The following ARSJ variants were observed in gnomAD, a reference collection of about 807,000 sequenced individuals.
ARSJ encodes the protein arylsulfatase family member J.
A neutral mutation model predicts 35.9 loss-of-function variants in ARSJ; 26 were observed. That is an observed-to-expected ratio of 0.72 (90% confidence interval 0.53 to 1.00). ARSJ has a LOEUF of 1.00. Ranked by LOEUF, ARSJ falls within the 50% of genes least tolerant of loss-of-function variation. The probability of loss-of-function intolerance (pLI) is 0.00; values close to 1 mark genes in which losing one functional copy is unlikely to be tolerated. For synonymous variants in ARSJ, 294 were observed against 267.6 expected (o/e 1.10, Z -0.96); for missense variants, 667 against 723.6 (o/e 0.92, Z 0.90).
At chr4:113,948,850 T>C (rs1225522564) in intron 1 of ARSJ, among the ~76,000 whole-genome samples, 1 of 152,146 alleles carries the variant, frequency 6.6e-6, no homozygotes, top group East Asian at 1.9e-4. Flanking sequence ...TATCTCTTCA[T>C]TGCAACAGAT....
rs1289766844 is a variant in ARSJ, at chr4:113,902,658, G to GA, written c.1415dup (p.Ser473GlnfsTer11). The GA allele has an allele frequency of 4.3e-6, 7 of 1,614,070 alleles. No homozygotes were observed. The highest frequency in any genetic ancestry group is 5.9e-6 in the Non-Finnish European group (7 of 1,180,040). ...GCCACCGGTTCGGTCCCAGGTTGCT[G>GA]AAAGACTGAGGGGGGACCCAGTCGC... On this transcript the variant is annotated frameshift_variant, in exon 2 of 2. Transcript: ENST00000315366. LOFTEE classifies it high-confidence loss of function.
At chr4:113,939,849 A>C (rs1335200288) in intron 1 of ARSJ, among the ~76,000 whole-genome samples, 1 of 151,874 alleles carries the variant, frequency 6.6e-6, no homozygotes, top group East Asian at 1.9e-4. Context: ...AGGTTGCGAA[A>C]ATTTTCTCCC....
chr4:113,964,776 T>C (rs1352892965), intron 1 of ARSJ, among the ~76,000 whole-genome samples: 1 of 152,088 alleles, frequency 6.6e-6, no homozygotes, highest in Non-Finnish European at 1.5e-5. Flanking sequence ...GAGAGCTTAT[T>C]GGAAACGCAG....
At chr4:113,911,386 C>A (rs76312224) in intron 1 of ARSJ, among the ~76,000 whole-genome samples, 8,647 of 152,158 alleles carry the variant, frequency 0.057, 328 homozygotes, top group East Asian at 0.11. Flanking sequence ...ACAATCGAAG[C>A]TTTGCGTTGG....
At chr4:113,919,889 C>T (rs958552628) in intron 1 of ARSJ, among the ~76,000 whole-genome samples, 3 of 151,790 alleles carry the variant, frequency 2.0e-5, no homozygotes, top group African/African-American at 7.3e-5. Flanking sequence ...GGTGTTGAAG[C>T]AGTTTTGTAC....
At chr4:113,936,780 T>G (rs926554255) in intron 1 of ARSJ, among the ~76,000 whole-genome samples, 1 of 151,852 alleles carries the variant, frequency 6.6e-6, no homozygotes, top group African/African-American at 2.4e-5. Flanking sequence ...ACTATTTTTA[T>G]TTTGGAACTC....
intron 1 of ARSJ, among the ~76,000 whole-genome samples, chr4:113,940,401 A>G (rs1725074343): frequency 6.6e-6 from 1 of 152,168 alleles, no homozygotes; most frequent in African/African-American, 2.4e-5. Flanking sequence ...AGAAAACCAA[A>G]CAGTGCATGT....
chr4:113,932,925 A>T (rs1389071163), intron 1 of ARSJ, among the ~76,000 whole-genome samples: 1 of 151,982 alleles, frequency 6.6e-6, no homozygotes, highest in African/African-American at 2.4e-5. Context: ...AAAAGTTGGT[A>T]TTTTGAAGAG....
At chr4:113,949,327 AAAGTAT>A (rs1479983513) in intron 1 of ARSJ, among the ~76,000 whole-genome samples, 1 of 152,238 alleles carries the variant, frequency 6.6e-6, no homozygotes, top group East Asian at 1.9e-4. Context: ...CCCAGAACTT[AAAGTAT>A]AATAATAATA....
At chr4:113,921,415 T>C (rs1399108076) in intron 1 of ARSJ, among the ~76,000 whole-genome samples, 1 of 152,158 alleles carries the variant, frequency 6.6e-6, no homozygotes, top group South Asian at 2.1e-4. Context: ...CTTTTTCTTA[T>C]TATCTTGGAT....
intron 1 of ARSJ, among the ~76,000 whole-genome samples, chr4:113,964,299 G>A (rs1726752561): frequency 1.3e-5 from 2 of 151,994 alleles, no homozygotes; most frequent in Non-Finnish European, 2.9e-5. Flanking sequence ...TTTTCTTCAA[G>A]TTCACACTGT....
chr4:113,974,523 T>C (rs886614800), intron 1 of ARSJ, among the ~76,000 whole-genome samples: 2 of 152,234 alleles, frequency 1.3e-5, no homozygotes, highest in African/African-American at 4.8e-5. Context: ...CTTGAATAAA[T>C]ACTTCTTTAA....
At chr4:113,973,576 C>T (rs2110338571) in intron 1 of ARSJ, among the ~76,000 whole-genome samples, 1 of 152,306 alleles carries the variant, frequency 6.6e-6, no homozygotes, top group East Asian at 1.9e-4. Context: ...CCACAAATCT[C>T]AAGTGGGCTC....
chr4:113,918,768 T>A (rs1723477312), intron 1 of ARSJ, among the ~76,000 whole-genome samples: 1 of 152,140 alleles, frequency 6.6e-6, no homozygotes, highest in African/African-American at 2.4e-5. Flanking sequence ...AATCCATTGC[T>A]AATGCTGTAG....
At chr4:113,967,165 G>C (rs1245241405) in intron 1 of ARSJ, among the ~76,000 whole-genome samples, 1 of 152,068 alleles carries the variant, frequency 6.6e-6, no homozygotes, top group Non-Finnish European at 1.5e-5. Flanking sequence ...ACATCTCTTT[G>C]AGCTCTAAAA....
In ARSJ at chr4:113,962,318, GA is replaced by G. The variant is rs201633029; in HGVS notation, c.398+16118del. 4.7e-5 allele frequency among the ~76,000 whole-genome samples: 7 copies of G among 149,734 alleles called. No homozygotes were observed. The South Asian group carries it at 6.3e-4, about 14-fold the overall frequency. ...TCTGACACCACTTACTATGATAAAA[GA>G]AAAAAAAATCTATAACTGCAATCCT... On this transcript the variant is annotated intron_variant, in intron 1 of 1. Transcript: ENST00000315366.
intron 1 of ARSJ, among the ~76,000 whole-genome samples, chr4:113,908,166 A>G (rs1249866425): frequency 2.0e-5 from 3 of 152,224 alleles, no homozygotes; most frequent in African/African-American, 7.2e-5. Context: ...TTGAATTGGA[A>G]TAGTTTCAAT....
chr4:113,943,456 C>T (rs1725284169), intron 1 of ARSJ: 1 of 151,996 alleles, frequency 6.6e-6, no homozygotes, highest in Non-Finnish European at 1.5e-5. Flanking sequence ...CTGGGATTGA[C>T]CTCTCCTTTC....
At chr4:113,939,014 A>G (rs944641054) in intron 1 of ARSJ, among the ~76,000 whole-genome samples, 3 of 149,304 alleles carry the variant, frequency 2.0e-5, no homozygotes, top group Non-Finnish European at 4.5e-5. Context: ...TGCACCCATT[A>G]ACTCATCATT....
Sources: allele counts gnomAD v4.1 joint callset (sites outside exome capture counted in the v4.1 genomes callset), GRCh38; gene constraint gnomAD v4.1.1; transcripts MANE v1.5; gene names NCBI Gene and HGNC (gene_info 2026-07-23, HGNC 2026-07-21).